NCAM2: variants seen among roughly 807,000 people sequenced by gnomAD.
The protein encoded by NCAM2 is N-CAM-2.
NCAM2 carries 30 observed loss-of-function variants against 98.1 expected under a neutral mutation model. The ratio of observed to expected loss-of-function variants is 0.31; its 90% CI spans 0.23 to 0.41. NCAM2 has a LOEUF of 0.41. NCAM2 is among the 10% of genes least tolerant of loss of function. The pLI, the probability that NCAM2 is intolerant of heterozygous loss-of-function variation, is 1.00. For missense variants in NCAM2, 867 were observed against 1,005.8 expected, an observed-to-expected ratio of 0.86 and a Z score of 1.87; for synonymous variants, 368 against 342.4, an observed-to-expected ratio of 1.07 and a Z score of -0.83.
chr21:21,320,492 G>A (rs1464948240), intron 5 of NCAM2, among the ~76,000 whole-genome samples: 1 of 152,070 alleles, frequency 6.6e-6, no homozygotes, highest in African/African-American at 2.4e-5. Context: ...GGAGGACTAT[G>A]ACAATTAACC....
rs1052511579 is a variant in NCAM2, at chr21:21,400,976, A to G, written c.1196-9298A>G. Among the ~76,000 whole-genome samples the G allele has an allele frequency of 2.0e-5, 3 of 152,184 alleles. No homozygotes were observed. The South Asian group carries it at 6.2e-4, about 32-fold the overall frequency. On this transcript the variant is annotated intron_variant, in intron 9 of 17. Coordinates refer to ENST00000400546, the MANE Select transcript of NCAM2 (RefSeq NM_004540.5). Reference sequence around the variant, plus strand: ...ATCTTAGAGGTTAAGGAATTTGGGAAGAATTTATCTAGTTCAACTCCTAAA... The same window carrying G: ...ATCTTAGAGGTTAAGGAATTTGGGAGGAATTTATCTAGTTCAACTCCTAAA...
chr21:21,008,009 A>G (rs1332800226), intron 1 of NCAM2, among the ~76,000 whole-genome samples: 1 of 152,064 alleles, frequency 6.6e-6, no homozygotes, highest in Admixed American at 6.6e-5. Context: ...TTCTCTACTA[A>G]TCACTGCCTG....
intron 1 of NCAM2, among the ~76,000 whole-genome samples, chr21:21,205,705 A>G (rs1033181379): frequency 1.3e-5 from 2 of 152,140 alleles, no homozygotes; most frequent in South Asian, 4.1e-4. Context: ...TTCAGCAGCT[A>G]TAAGAAAATA....
At chr21:21,204,250 A>G (rs143268550) in intron 1 of NCAM2, among the ~76,000 whole-genome samples, 1 of 152,162 alleles carries the variant, frequency 6.6e-6, no homozygotes, top group African/African-American at 2.4e-5. Flanking sequence ...CCATCTTGGC[A>G]TAGCAATTAT....
chr21:21,027,846 A>C (rs8134040), intron 1 of NCAM2, among the ~76,000 whole-genome samples: 1,813 of 151,310 alleles, frequency 0.012, 32 homozygotes, highest in African/African-American at 0.041. Flanking sequence ...CTGAATTATA[A>C]TTGTTTCTTA....
intron 9 of NCAM2, among the ~76,000 whole-genome samples, chr21:21,389,206 G>A (rs1410073025): frequency 6.6e-6 from 1 of 152,236 alleles, no homozygotes; most frequent in African/African-American, 2.4e-5. Flanking sequence ...AGGCAAATGA[G>A]GAGCAAAGTC....
At chr21:21,338,878 A>G (rs941465957) in intron 8 of NCAM2, among the ~76,000 whole-genome samples, 11 of 152,088 alleles carry the variant, frequency 7.2e-5, no homozygotes, top group African/African-American at 2.7e-4. Flanking sequence ...TTGCAAATTC[A>G]CTGACCATGA....
chr21:21,083,368 A>G (rs2065847611), intron 1 of NCAM2, among the ~76,000 whole-genome samples: 1 of 151,304 alleles, frequency 6.6e-6, no homozygotes, highest in Non-Finnish European at 1.5e-5. Flanking sequence ...CTAGTTTTTT[A>G]TAGATATCCA....
intron 12 of NCAM2, among the ~76,000 whole-genome samples, chr21:21,434,631 A>T (rs2077428691): frequency 6.6e-6 from 1 of 152,170 alleles, no homozygotes; most frequent in African/African-American, 2.4e-5. Context: ...ATTTAATAAT[A>T]TATTTGGCAG....
rs553752309 is a variant in NCAM2 at position 21,188,293 on chromosome 21, A to G, written c.56-92285A>G. Among the ~76,000 whole-genome samples the G allele has an allele frequency of 7.9e-5, 12 of 152,298 alleles. No individual in the cohort carries two copies. In the East Asian group the frequency reaches 2.1e-3, roughly 27 times the overall value. On this transcript the variant is annotated intron_variant, in intron 1 of 17. Coordinates refer to ENST00000400546, the MANE Select transcript of NCAM2 (RefSeq NM_004540.5). ...TGCTAACAGCTGCAATAGATAATAAATACTTACAAATTTTTGCCAATTTTC... is the reference window on the plus strand; with the variant it reads ...TGCTAACAGCTGCAATAGATAATAAGTACTTACAAATTTTTGCCAATTTTC...
intron 1 of NCAM2, among the ~76,000 whole-genome samples, chr21:21,219,925 A>T (rs1372719080): frequency 6.6e-6 from 1 of 152,198 alleles, no homozygotes; most frequent in Non-Finnish European, 1.5e-5. Flanking sequence ...TTTTAACAAA[A>T]AACATAAAAC....
rs58330278 is a variant in NCAM2 at position 21,254,949 on chromosome 21, A to ATGTGTGTG, written c.56-25605_56-25598dup. Among the ~76,000 whole-genome samples the ATGTGTGTG allele has an allele frequency of 5.2e-4, 77 of 148,388 alleles. 1 individual carries two copies. The highest frequency in any genetic ancestry group is 1.8e-3 in the African/African-American group (72 of 40,168). On this transcript the variant is annotated intron_variant, in intron 1 of 17. Coordinates refer to ENST00000400546, the MANE Select transcript of NCAM2 (RefSeq NM_004540.5). ...GTATGTGTACCCACATAGCATATCT[A>ATGTGTGTG]TGTGTGTGTGTGTGTGTGTGTGTGT...
chr21:21,474,924 TC>T (rs1257350405), intron 14 of NCAM2, among the ~76,000 whole-genome samples: 13 of 151,546 alleles, frequency 8.6e-5, no homozygotes, highest in Non-Finnish European at 1.8e-4. Flanking sequence ...ATTTAACATA[TC>T]ATCTCAAATT....
chr21:21,274,182 AT>A lies in NCAM2; in HGVS notation c.56-6392del, dbSNP rs199905456. The stretch of plus-strand genomic sequence containing the variant: ...CTCTGTCTGAAAAAAAAAAAAAAAA[AT>A]TTTAATCACTTAGCCCTAGAAGGAT... On this transcript the variant is annotated intron_variant, in intron 1 of 17. Coordinates refer to ENST00000400546, the MANE Select transcript of NCAM2 (RefSeq NM_004540.5). Among the ~76,000 whole-genome samples the A allele has an allele frequency of 2.2e-4, 33 of 149,504 alleles. No homozygotes were observed. In the South Asian group the frequency reaches 5.7e-3, roughly 26 times the overall value.
rs114972059 is a variant in NCAM2 at position 21,108,478 on chromosome 21, G to T, written c.55+109860G>T. On this transcript the variant is annotated intron_variant, in intron 1 of 17. Transcript: ENST00000400546. ...CAAAAATGAGTATGCTAATTGAAAA[G>T]CTCTGGCTATGAAGTTAAGTGTTGC... Among the ~76,000 whole-genome samples, 609 of 152,190 alleles carry T rather than the reference G, an allele frequency of 4.0e-3. 7 individuals carry two copies. Among genetic ancestry groups the T allele is most frequent in the African/African-American group, 0.014 (573 of 41,538 alleles).
At position 21,121,095 on chromosome 21, in the gene NCAM2, T is replaced by C. The variant is rs908589569; in HGVS notation, c.55+122477T>C. On this transcript the variant is annotated intron_variant, in intron 1 of 17. Coordinates refer to ENST00000400546, the MANE Select transcript of NCAM2 (RefSeq NM_004540.5). ...ATATCTCTGTTGGATTTCTCAGTAG[T>C]GTACTACTTCACATGATCATTATTT... Among the ~76,000 whole-genome samples, 14 of 152,332 alleles carry C rather than the reference T, an allele frequency of 9.2e-5. No homozygotes were observed. The East Asian group carries it at 2.7e-3, about 29-fold the overall frequency.
At chr21:21,311,418 G>A (rs1010500662) in intron 5 of NCAM2, among the ~76,000 whole-genome samples, 7 of 143,026 alleles carry the variant, frequency 4.9e-5, no homozygotes, top group Non-Finnish European at 7.4e-5. Context: ...TCCGCTCACT[G>A]CAAGCTCTGC....
At chr21:21,408,825 A>G (rs1038663110) in intron 9 of NCAM2, among the ~76,000 whole-genome samples, 1 of 151,954 alleles carries the variant, frequency 6.6e-6, no homozygotes, top group Non-Finnish European at 1.5e-5. Context: ...AGCATTTCAG[A>G]CTTGTATGTG....
intron 6 of NCAM2, among the ~76,000 whole-genome samples, chr21:21,331,985 C>G (rs993421115): frequency 6.6e-6 from 1 of 151,934 alleles, no homozygotes; most frequent in Non-Finnish European, 1.5e-5. Context: ...TCACTGCAAC[C>G]TCCACCTCCC....
Sources: allele counts gnomAD v4.1 joint callset (sites outside exome capture counted in the v4.1 genomes callset), GRCh38; gene constraint gnomAD v4.1.1; transcripts MANE v1.5; gene names NCBI Gene and HGNC (gene_info 2026-07-23, HGNC 2026-07-21).